The following EVL variants were observed in gnomAD, a reference collection of about 807,000 sequenced individuals.
EVL encodes the protein ena/VASP-like protein.
In EVL, 21 loss-of-function variants were observed where a neutral mutation model predicts 59.6. The ratio of observed to expected loss-of-function variants is 0.35; its 90% confidence interval spans 0.25 to 0.51. The LOEUF is 0.51. Ranked by LOEUF, EVL falls within the 20% of genes least tolerant of loss-of-function variation. EVL has a pLI of 0.97. For missense variants in EVL, 462 were observed against 546.6 expected (o/e 0.85, Z 1.54); for synonymous variants, 198 against 203.5 (o/e 0.97, Z 0.23).
At chr14:100,085,714 G>C (rs1331835402) in intron 2 of EVL, among the ~76,000 whole-genome samples, 1 of 152,154 alleles carries the variant, frequency 6.6e-6, no homozygotes, top group Non-Finnish European at 1.5e-5. Flanking sequence ...AGAAACTCTG[G>C]GTTCTGTTTT....
chr14:99,995,781 C>T (rs1389861220), intron 1 of EVL, among the ~76,000 whole-genome samples: 3 of 152,168 alleles, frequency 2.0e-5, no homozygotes, highest in Admixed American at 6.5e-5. Flanking sequence ...ATCTGGAGAA[C>T]TCTCAAGCCT....
rs1260152956 is a variant in EVL, at chr14:100,084,875, A to G, written c.180+20A>G. On this transcript the variant is annotated intron_variant, in intron 2 of 13. Coordinates refer to ENST00000392920, the MANE Select transcript of EVL (RefSeq NM_016337.3). Reference sequence around the variant, plus strand: ...CAGCAGGTCAGTGCTGGAATTACAGATTATACCCGTGAGCCTGCGCACCAC... The same window carrying G: ...CAGCAGGTCAGTGCTGGAATTACAGGTTATACCCGTGAGCCTGCGCACCAC... 6.2e-7 allele frequency: 1 copy of G among 1,612,892 alleles called. No homozygotes were observed. The highest frequency in any genetic ancestry group is 2.2e-5 in the East Asian group (1 of 44,878).
At chr14:100,124,075 C>T (rs558491564) in intron 4 of EVL, among the ~76,000 whole-genome samples, 71 of 152,350 alleles carry the variant, frequency 4.7e-4, no homozygotes, top group African/African-American at 1.6e-3. Flanking sequence ...AGGGCCAAGG[C>T]TGTTGTCCCG....
chr14:100,004,339 G>A (rs969037898), intron 1 of EVL, among the ~76,000 whole-genome samples: 1 of 152,108 alleles, frequency 6.6e-6, no homozygotes, highest in East Asian at 1.9e-4. Context: ...TTTAAAAAGG[G>A]GAGAGAAAAC....
intron 1 of EVL, among the ~76,000 whole-genome samples, chr14:100,053,807 C>A (rs1338551359): frequency 6.6e-6 from 1 of 152,060 alleles, no homozygotes. Flanking sequence ...TGCTACTGCA[C>A]CCAGCTAATT....
chr14:100,000,741 A>C (rs1412626192), intron 1 of EVL, among the ~76,000 whole-genome samples: 1 of 152,114 alleles, frequency 6.6e-6, no homozygotes, highest in African/African-American at 2.4e-5. Flanking sequence ...AGGCAGGTTT[A>C]CCCTAAGCAG....
At position 100,125,150 on chromosome 14, in the gene EVL, A is replaced by ACACACACC. The variant is rs1555361572; in HGVS notation, c.422+1549_422+1550insACACACCC. 1.4e-3 allele frequency among the ~76,000 whole-genome samples: 181 copies of ACACACACC among 128,354 alleles called. 9 individuals are homozygous for ACACACACC. The highest frequency in any genetic ancestry group is 4.9e-3 in the African/African-American group (137 of 27,712). The allele number at this position is 128,354 out of a possible 152,430, so 84.2% of individuals were successfully genotyped here. ...CACACACACACACACACACACACAC[A>ACACACACC]CCTGCCCCAAGGCAGGAATACACAC... On this transcript the variant is annotated intron_variant, in intron 4 of 13. Coordinates refer to ENST00000392920, the MANE Select transcript of EVL (RefSeq NM_016337.3).
At chr14:100,132,628 G>T in intron 7 of EVL, 91 bp from the exon 8 acceptor site, 2 of 1,387,372 alleles carry the variant, frequency 1.4e-6, no homozygotes, top group South Asian at 1.2e-5. Flanking sequence ...CTGAGGACCG[G>T]GGTGAGTCTG....
rs1408533851 is a variant in EVL at position 100,108,736 on chromosome 14, A to T, written c.358+11078A>T. Among the ~76,000 whole-genome samples the T allele has an allele frequency of 6.6e-6, 1 of 151,966 alleles. No homozygotes were observed. The highest frequency in any genetic ancestry group is 2.4e-5 in the African/African-American group (1 of 41,370). ...GTCCTGTCAGAATGTGGCTCCACAGATGGAGCCTTTCCCAGCCGCCCCGCT... is the reference window on the plus strand; with the variant it reads ...GTCCTGTCAGAATGTGGCTCCACAGTTGGAGCCTTTCCCAGCCGCCCCGCT... On this transcript the variant is annotated intron_variant, in intron 3 of 13. Transcript: ENST00000392920. This position sits in a 1 kb window ranked among gnomAD's most constrained non-coding sequence, Gnocchi z 4.1.
chr14:100,038,771 GGTGTGTGTGT>G (rs61309441), intron 1 of EVL, among the ~76,000 whole-genome samples: 5 of 140,916 alleles, frequency 3.5e-5, no homozygotes, highest in East Asian at 2.1e-4. Flanking sequence ...TGTGCCCTGG[GGTGTGTGTGT>G]GTGTGTGTGT....
chr14:100,053,457 G>A (rs370427095), intron 1 of EVL, among the ~76,000 whole-genome samples: 1 of 1,002 alleles, frequency 1.0e-3, no homozygotes, highest in African/African-American at 9.6e-3. Flanking sequence ...CAGCTTCCTT[G>A]TCTTTAATAT....
chr14:100,049,155 GATTT>G (rs2061605760), intron 1 of EVL, among the ~76,000 whole-genome samples: 1 of 152,170 alleles, frequency 6.6e-6, no homozygotes, highest in Non-Finnish European at 1.5e-5. Context: ...TGTTCCTTTG[GATTT>G]ATTTGATTTG....
chr14:100,090,535 A>G (rs775731170), intron 2 of EVL, among the ~76,000 whole-genome samples: 2 of 152,274 alleles, frequency 1.3e-5, no homozygotes, highest in Non-Finnish European at 2.9e-5. Context: ...CTAATGAACA[A>G]TAATGCAGTA....
At chr14:100,050,260 T>C (rs926486709) in intron 1 of EVL, among the ~76,000 whole-genome samples, 1 of 152,210 alleles carries the variant, frequency 6.6e-6, no homozygotes, top group Non-Finnish European at 1.5e-5. Context: ...TAAACATATA[T>C]AACTTTAAAA....
At chr14:100,134,760 G>T (rs978839148) in intron 8 of EVL, 8 of 152,244 alleles carry the variant, frequency 5.3e-5, no homozygotes, top group African/African-American at 1.2e-4. Context: ...CCTCTGCCAT[G>T]GCAGAGCTGG....
At chr14:99,978,743 A>T (rs1399998044) in intron 1 of EVL, among the ~76,000 whole-genome samples, 4 of 152,358 alleles carry the variant, frequency 2.6e-5, no homozygotes, top group South Asian at 2.1e-4. Flanking sequence ...CTAAATTTTT[A>T]AAATGAAAGT....
upstream of EVL, among the ~76,000 whole-genome samples, chr14:100,063,363 T>C (rs1449794509): frequency 6.6e-6 from 1 of 152,172 alleles, no homozygotes; most frequent in Non-Finnish European, 1.5e-5. Context: ...GTCCAGAAGC[T>C]GAGAGAGGTG....
chr14:100,137,990 CTGAG>C, intron 11 of EVL, 188 bp downstream of exon 11: 1 of 625,968 alleles, frequency 1.6e-6, no homozygotes. Flanking sequence ...TCTTTTCCCT[CTGAG>C]AGAGAGACCA....
intron 1 of EVL, among the ~76,000 whole-genome samples, chr14:99,997,332 T>G (rs1566965122): frequency 6.6e-6 from 1 of 152,386 alleles, no homozygotes; most frequent in East Asian, 1.9e-4. Context: ...CAATTCAGTT[T>G]CTCTTGCTCA....
Sources: gnomAD v4.1 joint callset for allele counts (sites outside exome capture counted in the v4.1 genomes callset) on GRCh38, gnomAD v4.1.1 for gene constraint, Gnocchi (gnomAD v3.1) non-coding constraint, MANE v1.5 for transcripts, NCBI Gene and HGNC (gene_info 2026-07-23, HGNC 2026-07-21) for gene names.